STAM2: variants seen among roughly 807,000 people sequenced by gnomAD.
STAM2 encodes the protein signal transducing adapter molecule 2.
STAM2 carries 51 observed loss-of-function variants against 65.6 expected under a neutral mutation model. That is an observed-to-expected ratio of 0.78 (90% CI 0.62 to 0.98). STAM2 has a LOEUF of 0.98. STAM2 is among the 50% of genes least tolerant of loss of function. STAM2 has a pLI of 0.00. For synonymous variants in STAM2, 198 were observed against 208.4 expected (o/e 0.95, Z 0.43); for missense variants, 584 against 617.8 (o/e 0.95, Z 0.58).
At chr2:152,126,168 T>C in intron 12 of STAM2, 58 bp downstream of exon 12, 1 of 1,412,842 alleles carries the variant, frequency 7.1e-7, no homozygotes, top group Non-Finnish European at 9.4e-7. Context: ...TAAAACATTT[T>C]CTTTTACTTT....
chr2:152,158,515 GA>G (rs1689595717), intron 1 of STAM2, among the ~76,000 whole-genome samples: 1 of 152,032 alleles, frequency 6.6e-6, no homozygotes, highest in African/African-American at 2.4e-5. Context: ...CGATCACGTG[GA>G]AACTTAACAA....
At chr2:152,140,593 G>A (rs1441138087) in intron 7 of STAM2, among the ~76,000 whole-genome samples, 1 of 152,074 alleles carries the variant, frequency 6.6e-6, no homozygotes, top group African/African-American at 2.4e-5. Context: ...ACCTTGTGGG[G>A]GTCTTTTCCT....
chr2:152,148,322 GAGAC>G lies in STAM2; in HGVS notation c.126-26_126-23del, dbSNP rs1276539682. The G allele has an allele frequency of 3.3e-6, 5 of 1,530,796 alleles. No individual in the cohort carries two copies. The East Asian group carries it at 1.1e-4, about 34-fold the overall frequency. The allele number at this position is 1,530,796 out of a possible 1,614,324, so 94.8% of individuals were successfully genotyped here. On this transcript the variant is annotated intron_variant, in intron 2 of 13. Coordinates refer to ENST00000263904, the MANE Select transcript of STAM2 (RefSeq NM_005843.6). ...CGCTCTAAAAAAAAAAAGAGAGAGA[GAGAC>G]AGTTAAGTATTTACTGATAAATTTA... is the stretch of plus-strand genomic sequence containing the variant.
chr2:152,127,442 A>C (rs1293117224), intron 11 of STAM2, among the ~76,000 whole-genome samples: 1 of 152,188 alleles, frequency 6.6e-6, no homozygotes, highest in Non-Finnish European at 1.5e-5. Context: ...TTTGGGTAAG[A>C]ATCTGGGCCT....
Position 152,119,459 on chromosome 2 carries a change from G to T in STAM2, c.*1115C>A, listed in dbSNP as rs2105523710. The T allele has an allele frequency of 6.6e-6, 1 of 152,042 alleles. No individual in the cohort carries two copies. Among genetic ancestry groups the T allele is most frequent in the East Asian group, 1.9e-4 (1 of 5,196 alleles). The allele number at this position is 152,042 out of a possible 1,614,324, so 9.4% of individuals were successfully genotyped here. A position where few individuals can be genotyped will look rare whatever the true frequency, so the allele number is the denominator to read the frequency against. On this transcript the variant is annotated 3_prime_UTR_variant, in exon 14 of 14. Transcript: ENST00000263904. ...AAATGGTCAATTTTTTCAACAGCTT[G>T]GTATGTTGACAGCTTAGCAACGGTA...
At position 152,150,219 on chromosome 2, in the gene STAM2, C is replaced by T. The variant is rs781017165; in HGVS notation, c.51G>A (p.Thr17=). 10 of 1,612,066 alleles carry T rather than the reference C, an allele frequency of 6.2e-6. No individual in the cohort carries two copies. The highest frequency in any genetic ancestry group is 2.7e-5 in the African/African-American group (2 of 74,862). The change falls in exon 2 of 14, where the codon ACG becomes ACA. Residue 17 remains threonine, a synonymous_variant. Coordinates refer to ENST00000263904, the MANE Select transcript of STAM2 (RefSeq NM_005843.6). ...AATCTTCTGTAGTGTTGTACTCATTCGTGGCTTTTTCTATAAAATATATTG... is the reference window on the plus strand; with the variant it reads ...AATCTTCTGTAGTGTTGTACTCATTTGTGGCTTTTTCTATAAAATATATTG... ...NPFEQDVEKA[T]NEYNTTEDWS...
At chr2:152,130,691 T>TA (rs1689043105) in intron 11 of STAM2, among the ~76,000 whole-genome samples, 1 of 149,984 alleles carries the variant, frequency 6.7e-6, no homozygotes. Context: ...GACCCTGTCT[T>TA]TAAAAAAAAA....
intron 1 of STAM2, among the ~76,000 whole-genome samples, chr2:152,167,481 A>G (rs1470035378): frequency 1.3e-5 from 2 of 152,252 alleles, no homozygotes; most frequent in Non-Finnish European, 2.9e-5. Context: ...GAATGTTTCA[A>G]CAATACCAAA....
intron 1 of STAM2, among the ~76,000 whole-genome samples, chr2:152,173,289 T>C (rs1178176480): frequency 1.3e-5 from 2 of 150,632 alleles, no homozygotes; most frequent in Middle Eastern, 3.2e-3. Context: ...TAAAGTAACA[T>C]TTCCTGTAGA....
At chr2:152,147,337 C>A in intron 4 of STAM2, 29 bp from the exon 5 acceptor site, 2 of 1,507,772 alleles carry the variant, frequency 1.3e-6, no homozygotes, top group South Asian at 1.4e-5. Flanking sequence ...GGAAAATAAA[C>A]AAAAATCTAC....
At chr2:152,165,925 G>A (rs954592060) in intron 1 of STAM2, among the ~76,000 whole-genome samples, 2 of 152,248 alleles carry the variant, frequency 1.3e-5, no homozygotes, top group South Asian at 4.1e-4. Flanking sequence ...AATGAAGGCC[G>A]GGCACAGTGG....
At chr2:152,133,724 G>T (rs894123202) in intron 8 of STAM2, among the ~76,000 whole-genome samples, 4 of 152,030 alleles carry the variant, frequency 2.6e-5, no homozygotes, top group Non-Finnish European at 5.9e-5. Context: ...ACAGACACCG[G>T]TGAATAAAAC....
chr2:152,133,258 A>G lies in STAM2; in HGVS notation c.885T>C (p.Asp295=), dbSNP rs1295464451. ...GTACCTGCAGGGCTCTATCCATCTT[A>G]TCCTAAAAAAGTAACAGGACACTTT... ...SEPEPVYIDE[D]KMDRALQVLQ... Residue 295 remains aspartate, a splice_region_variant and synonymous_variant, in exon 10 of 14, where the codon GAT becomes GAC. Transcript: ENST00000263904. 2 of 1,604,800 alleles carry G rather than the reference A, an allele frequency of 1.2e-6. No homozygotes were observed. Among genetic ancestry groups the G allele is most frequent in the Non-Finnish European group, 1.7e-6 (2 of 1,176,234 alleles).
intron 1 of STAM2, among the ~76,000 whole-genome samples, chr2:152,170,523 A>G (rs1689879719): frequency 6.6e-6 from 1 of 151,928 alleles, no homozygotes; most frequent in Non-Finnish European, 1.5e-5. Flanking sequence ...TAAACACAAG[A>G]AAACATAGAT....
chr2:152,153,084 C>T (rs975310226), intron 1 of STAM2, among the ~76,000 whole-genome samples: 14 of 152,010 alleles, frequency 9.2e-5, no homozygotes, highest in African/African-American at 3.4e-4. Flanking sequence ...TGTTAAAAAG[C>T]ATGATCAGAA....
chr2:152,128,372 C>T (rs962198691), intron 11 of STAM2, among the ~76,000 whole-genome samples: 6 of 151,804 alleles, frequency 4.0e-5, no homozygotes, highest in African/African-American at 1.2e-4. Context: ...GAGATTGCAC[C>T]ACTGCACTCC....
intron 1 of STAM2, among the ~76,000 whole-genome samples, chr2:152,168,334 A>G (rs1324037647): frequency 6.6e-6 from 1 of 151,790 alleles, no homozygotes; most frequent in Non-Finnish European, 1.5e-5. Flanking sequence ...TAATTTTTGT[A>G]TTTTTAGTAA....
intron 1 of STAM2, among the ~76,000 whole-genome samples, chr2:152,174,970 T>G (rs1689986013): frequency 6.6e-6 from 1 of 152,166 alleles, no homozygotes; most frequent in Non-Finnish European, 1.5e-5. Context: ...TTCTGGAGTG[T>G]TTTGAGACTG....
intron 1 of STAM2, among the ~76,000 whole-genome samples, chr2:152,160,983 C>A (rs1175126842): frequency 6.6e-6 from 1 of 152,218 alleles, no homozygotes; most frequent in African/African-American, 2.4e-5. Context: ...GGCCACCACC[C>A]CGTCTGGGAG....
Sources: gnomAD v4.1 joint callset for allele counts (sites outside exome capture counted in the v4.1 genomes callset) on GRCh38, gnomAD v4.1.1 for gene constraint, MANE v1.5 for transcripts, NCBI Gene and HGNC (gene_info 2026-07-23, HGNC 2026-07-21) for gene names.